PRKCG: variants seen among roughly 807,000 people sequenced by gnomAD.
The protein encoded by PRKCG is protein kinase C gamma type.
PRKCG carries 28 observed loss-of-function variants against 82.0 expected under a neutral mutation model. The observed-to-expected ratio is 0.34, with a 90% CI of 0.25 to 0.47. The LOEUF (loss-of-function observed/expected upper bound fraction) is 0.47, where lower values mean the gene tolerates loss of function less well. Among genes scored for constraint, PRKCG ranks in the 20% least tolerant of loss-of-function variants. The pLI is 1.00. For synonymous variants in PRKCG, 383 were observed against 376.6 expected, an observed-to-expected ratio of 1.02 and a Z score of -0.20; for missense variants, 640 against 952.7, an observed-to-expected ratio of 0.67 and a Z score of 4.32.
At chr19:53,902,874 C>T (rs2068773745) in intron 14 of PRKCG, among the ~76,000 whole-genome samples, 199 bp from the exon 15 acceptor site, 1 of 105,328 alleles carries the variant, frequency 9.5e-6, no homozygotes, top group Non-Finnish European at 1.7e-5. Context: ...GCCTGGGCAA[C>T]AGAGTGAGAC....
Position 53,884,220 on chromosome 19 carries a change from G to T in PRKCG, c.262G>T (p.Ala88Ser), listed in dbSNP as rs2068615062. ...ATTTGTGACCTTCGAGTGTCCAGGC[G>T]CTGGGAAGGGCCCCCAGACGGACGT... Reference protein sequence around the residue: ...HEFVTFECPGAGKGPQTDDPR... With the variant: ...HEFVTFECPGSGKGPQTDDPR... Residue 88 changes from alanine (A) to serine (S), a missense_variant, in exon 3 of 18, where the codon GCT (alanine) becomes TCT (serine). Ala to Ser is a moderately conservative substitution (Grantham distance 99). Around this residue, in one of 7 missense-constraint regions of PRKCG, gnomAD observed 50 missense variants for 146.5 expected, o/e 0.34. Coordinates refer to ENST00000263431, the MANE Select transcript of PRKCG (RefSeq NM_002739.5). The surrounding 1 kb of genome is among the most constrained non-coding windows in gnomAD (Gnocchi z 4.6). 3 of 1,614,046 alleles carry T rather than the reference G, an allele frequency of 1.9e-6. 1 individual carries two copies. Among genetic ancestry groups the T allele is most frequent in the Admixed American group, 3.3e-5 (2 of 60,022 alleles).
chr19:53,891,663 T>A lies in PRKCG; in HGVS notation c.530-11T>A. 6.2e-7 allele frequency: 1 copy of A among 1,613,408 alleles called. No homozygotes were observed. On this transcript the variant is annotated splice_polypyrimidine_tract_variant and intron_variant, in intron 5 of 17. Transcript: ENST00000263431. Reference sequence around the variant, plus strand: ...TCTAACCCGTCACACTCTTCCTCACTCCCCGTTTAGTTGGCGAGGCCCGTA... The same window carrying A: ...TCTAACCCGTCACACTCTTCCTCACACCCCGTTTAGTTGGCGAGGCCCGTA...
In PRKCG at chr19:53,900,728, C is replaced by T. The variant is rs1269679770; in HGVS notation, c.1554C>T (p.Thr518=). The part of the protein sequence containing the change: ...PGTTTRTFCG[T]PDYIAPEIIA... ...CGACAACCCGCACCTTCTGCGGGAC[C>T]CCGGACTACATAGCCCCGGAGGTAA... Residue 518 remains threonine, a synonymous_variant, in exon 14 of 18, where the codon ACC becomes ACT. Transcript: ENST00000263431. The surrounding 1 kb of genome is among the most constrained non-coding windows in gnomAD (Gnocchi z 4.2). 5 of 1,614,204 alleles carry T rather than the reference C, an allele frequency of 3.1e-6. No homozygotes were observed. Among genetic ancestry groups the T allele is most frequent in the East Asian group, 2.2e-5 (1 of 44,890 alleles).
At chr19:53,888,163 C>G (rs2068646033) in intron 3 of PRKCG, among the ~76,000 whole-genome samples, 1 of 152,200 alleles carries the variant, frequency 6.6e-6, no homozygotes. Flanking sequence ...GGCAGGAACC[C>G]TTTGAGTTAG....
intron 9 of PRKCG, among the ~76,000 whole-genome samples, chr19:53,897,532 T>G (rs1305210223): frequency 6.6e-6 from 1 of 152,146 alleles, no homozygotes; most frequent in Non-Finnish European, 1.5e-5. Context: ...TACCAAACCC[T>G]CTAGGGAATT....
chr19:53,883,111 G>T lies in PRKCG; in HGVS notation c.171-52G>T, dbSNP rs890514012. 1.9e-6 allele frequency: 3 copies of T among 1,606,756 alleles called. No individual in the cohort carries two copies. Among genetic ancestry groups the T allele is most frequent in the Middle Eastern group, 1.7e-4 (1 of 6,038 alleles). On this transcript the variant is annotated intron_variant, in intron 1 of 17. Coordinates refer to ENST00000263431, the MANE Select transcript of PRKCG (RefSeq NM_002739.5). The surrounding 1 kb of genome is among the most constrained non-coding windows in gnomAD (Gnocchi z 5.4). ...AGGCCCCCTGTGGCTCGCAGAGGTT[G>T]GGGGTCCAGGTACCCCTTTCTGCAC...
chr19:53,887,745 G>A (rs568924730), intron 3 of PRKCG, among the ~76,000 whole-genome samples: 7 of 145,974 alleles, frequency 4.8e-5, no homozygotes, highest in East Asian at 2.1e-4. Flanking sequence ...CAGGAGTATC[G>A]CTTGAACCCC....
At chr19:53,905,834 T>C (rs2068798867) in intron 16 of PRKCG, among the ~76,000 whole-genome samples, 1 of 142,854 alleles carries the variant, frequency 7.0e-6, no homozygotes, top group South Asian at 2.4e-4. Context: ...TCATGATTTG[T>C]TCTGTTTCTC....
chr19:53,899,449 C>T (rs1327441000), intron 11 of PRKCG, among the ~76,000 whole-genome samples: 2 of 152,186 alleles, frequency 1.3e-5, no homozygotes, highest in Non-Finnish European at 2.9e-5. Flanking sequence ...AGAAACAGGA[C>T]ATTATTTCCT....
rs1432939072 is a variant in PRKCG at position 53,884,143 on chromosome 19, T to C, written c.203-18T>C. 6.2e-7 allele frequency: 1 copy of C among 1,613,734 alleles called. No homozygotes were observed. Among genetic ancestry groups the C allele is most frequent in the East Asian group, 2.2e-5 (1 of 44,866 alleles). On this transcript the variant is annotated intron_variant, in intron 2 of 17. Transcript: ENST00000263431. This position sits in a 1 kb window ranked among gnomAD's most constrained non-coding sequence, Gnocchi z 4.6. ...TAATCCATGCCTCCGTCTGTGTCTC[T>C]ATGATTTTCATCTATAGTCTGCAGC...
At chr19:53,887,881 T>G (rs2068643654) in intron 3 of PRKCG, among the ~76,000 whole-genome samples, 1 of 149,856 alleles carries the variant, frequency 6.7e-6, no homozygotes, top group South Asian at 2.1e-4. Flanking sequence ...GCAAGAATGA[T>G]TTCATTTAGT....
In PRKCG at chr19:53,882,200, T is replaced by G; in HGVS notation, c.-295T>G. The stretch of plus-strand genomic sequence containing the variant: ...CCTCCCCCAACCCGGGGCTCCCACA[T>G]TTCAGCAGGTGCCGGAGCTGGAGCT... On this transcript the variant is annotated 5_prime_UTR_variant, in exon 1 of 18. Coordinates refer to ENST00000263431, the MANE Select transcript of PRKCG (RefSeq NM_002739.5). The surrounding 1 kb of genome is among the most constrained non-coding windows in gnomAD (Gnocchi z 6.1). 1.4e-5 allele frequency: 6 copies of G among 441,714 alleles called. No homozygotes were observed. Among genetic ancestry groups the G allele is most frequent in the Non-Finnish European group, 2.5e-5 (6 of 241,380 alleles). 27.4% of individuals were successfully genotyped at this position (441,714 alleles called of 1,614,324 possible).
chr19:53,882,597 A>T lies in PRKCG; in HGVS notation c.103A>T (p.Ser35Cys). The change falls in exon 1 of 18, where the codon AGC becomes TGC. Residue 35 changes from serine to cysteine, a missense_variant. Transcript: ENST00000263431. This position sits in a 1 kb window ranked among gnomAD's most constrained non-coding sequence, Gnocchi z 6.1. ...LRQKVVHEVK[S>C]HKFTARFFKQ... Reference sequence around the variant, plus strand: ...GCAGAAGGTGGTCCACGAAGTCAAGAGCCACAAGTTCACCGCTCGCTTCTT... The same window carrying T: ...GCAGAAGGTGGTCCACGAAGTCAAGTGCCACAAGTTCACCGCTCGCTTCTT... 3 of 1,613,962 alleles carry T rather than the reference A, an allele frequency of 1.9e-6. No individual in the cohort carries two copies. The highest frequency in any genetic ancestry group is 2.5e-6 in the Non-Finnish European group (3 of 1,179,982).
intron 5 of PRKCG, 29 bp from the exon 6 acceptor site, chr19:53,891,645 C>T (rs764723285): frequency 5.5e-5 from 89 of 1,612,300 alleles, no homozygotes; most frequent in Non-Finnish European, 6.7e-5. Flanking sequence ...ATCTCTAACC[C>T]GTCACACTCT....
rs747191875 is a variant in PRKCG, at chr19:53,882,540, C to A, written c.46C>A (p.Arg16=). 1.9e-6 allele frequency: 3 copies of A among 1,614,190 alleles called. No homozygotes were observed. The Admixed American group carries it at 5.0e-5, about 27-fold the overall frequency. Residue 16 remains arginine (R), a synonymous_variant, in exon 1 of 18, where the codon CGG becomes AGG. Transcript: ENST00000263431. The surrounding 1 kb of genome is among the most constrained non-coding windows in gnomAD (Gnocchi z 6.1). Reference sequence around the variant, plus strand: ...CGTAGGCGATTCAGAGGGGGGACCCCGGCCCCTGTTTTGCAGAAAGGGGGC... The same window carrying A: ...CGTAGGCGATTCAGAGGGGGGACCCAGGCCCCTGTTTTGCAGAAAGGGGGC... The part of the protein sequence containing the change: ...PGVGDSEGGP[R]PLFCRKGALR...
At chr19:53,902,097 T>C (rs1437356459) in intron 14 of PRKCG, among the ~76,000 whole-genome samples, 5 of 152,228 alleles carry the variant, frequency 3.3e-5, no homozygotes, top group Middle Eastern at 3.4e-3. Context: ...ACCTGGCTGG[T>C]AATCAGAATC....
At chr19:53,904,827 C>T (rs2068790106) in intron 16 of PRKCG, 85 bp downstream of exon 16, 3 of 1,115,098 alleles carry the variant, frequency 2.7e-6, no homozygotes, top group Non-Finnish European at 4.0e-6. Context: ...AAAATGCTCC[C>T]ATTCCTGAAG....
chr19:53,898,286 C>G (rs2068732165), intron 10 of PRKCG, among the ~76,000 whole-genome samples, 154 bp from the exon 11 acceptor site: 1 of 152,072 alleles, frequency 6.6e-6, no homozygotes. Flanking sequence ...GGACACTCTC[C>G]TTGAGGGGAC....
In PRKCG at chr19:53,900,365, G is replaced by C. The variant is rs781474547; in HGVS notation, c.1373+41G>C. On this transcript the variant is annotated intron_variant, in intron 12 of 17. Coordinates refer to ENST00000263431, the MANE Select transcript of PRKCG (RefSeq NM_002739.5). This position sits in a 1 kb window ranked among gnomAD's most constrained non-coding sequence, Gnocchi z 4.2. ...CAGAGAATGGTCGGGGTGGTGGAAG[G>C]GGGCAGGATCCAGCCACTGACCTTC... 2.7e-5 allele frequency: 44 copies of C among 1,613,860 alleles called. No homozygotes were observed. The South Asian group carries it at 4.6e-4, about 17-fold the overall frequency.
Sources: gnomAD v4.1 joint callset for allele counts (sites outside exome capture counted in the v4.1 genomes callset) on GRCh38, gnomAD v4.1.1 for gene constraint, gnomAD v4.1.1 regional missense constraint, Gnocchi (gnomAD v3.1) non-coding constraint, MANE v1.5 for transcripts, NCBI Gene and HGNC (gene_info 2026-07-23, HGNC 2026-07-21) for gene names.